The following NOTCH3 variants were observed in gnomAD, a reference collection of about 807,000 sequenced individuals.
The protein encoded by NOTCH3 is neurogenic locus notch homolog protein 3.
In NOTCH3, 86 loss-of-function variants were observed where a neutral mutation model predicts 213.3. The ratio of observed to expected loss-of-function variants is 0.40; its 90% CI spans 0.34 to 0.48. The LOEUF is 0.48. Ranked by LOEUF, NOTCH3 falls within the 20% of genes least tolerant of loss-of-function variation. The pLI is 0.57. For missense variants in NOTCH3, 2,783 were observed against 3,272.6 expected, an observed-to-expected ratio of 0.85 and a Z score of 3.65; for synonymous variants, 1,354 against 1,355.9, an observed-to-expected ratio of 1.00 and a Z score of 0.03.
In NOTCH3 at chr19:15,192,168, G is replaced by C; in HGVS notation, c.471C>G (p.Ser157Arg). 1 of 1,612,766 alleles carries C rather than the reference G, an allele frequency of 6.2e-7. No individual in the cohort carries two copies. The highest frequency in any genetic ancestry group is 8.5e-7 in the Non-Finnish European group (1 of 1,179,942). Residue 157 changes from serine (S) to arginine (R), a missense_variant, in exon 4 of 33, where the codon AGC (serine) becomes AGG (arginine). Physicochemically the swap from Ser to Arg is moderately radical, Grantham distance 110. This residue lies in a region of NOTCH3 where 708 missense variants were observed against 906.6 expected (regional missense o/e 0.78). Coordinates refer to ENST00000263388, the MANE Select transcript of NOTCH3 (RefSeq NM_000435.3). ...CACCCACCCGGCACTCATCCACGTCGCTTCGGCAGCTGCGGCCCTGGTAGC... is the reference window on the plus strand; with the variant it reads ...CACCCACCCGGCACTCATCCACGTCCCTTCGGCAGCTGCGGCCCTGGTAGC... ...PPGYQGRSCR[S>R]DVDECRVGEP...
At chr19:15,193,075 C>T (rs978917459) in intron 2 of NOTCH3, among the ~76,000 whole-genome samples, 2 of 152,048 alleles carry the variant, frequency 1.3e-5, no homozygotes, top group South Asian at 2.1e-4. Flanking sequence ...AGAACATATA[C>T]GAATAACAAA....
rs2145433165 is a variant in NOTCH3, at chr19:15,187,261, C to T, written c.1684G>A (p.Gly562Ser). The T allele has an allele frequency of 6.2e-7, 1 of 1,614,140 alleles. No individual in the cohort carries two copies. The highest frequency in any genetic ancestry group is 1.3e-5 in the African/African-American group (1 of 75,066). ...DPCHHGRCVD[G>S]IASFSCACAP... ...CAGGCACATGAGAAGCTGGCGATGC[C>T]ATCCACGCAGCGACCATGGTGGCAT... The change falls in exon 11 of 33, where the codon GGC becomes AGC. Residue 562 changes from glycine to serine, a missense_variant. Coordinates refer to ENST00000263388, the MANE Select transcript of NOTCH3 (RefSeq NM_000435.3).
intron 31 of NOTCH3, among the ~76,000 whole-genome samples, chr19:15,164,715 C>T (rs574036870): frequency 6.6e-6 from 1 of 152,160 alleles, no homozygotes; most frequent in African/African-American, 2.4e-5. Flanking sequence ...ATTGGCCAGC[C>T]CTGCCCTAGA....
At chr19:15,180,926 G>A (rs756864856) in intron 18 of NOTCH3, 35 bp downstream of exon 18, 2 of 1,584,356 alleles carry the variant, frequency 1.3e-6, no homozygotes, top group South Asian at 2.3e-5. Flanking sequence ...ATCCCAGGCA[G>A]GCTCCTCCCC....
chr19:15,165,521 A>G lies in NOTCH3; in HGVS notation c.5668-6T>C. ...GAGCGGTTTCGGATGAGAATCTAGG[A>G]CAGAGAGTGGATGCAGCAGGAGGGG... On this transcript the variant is annotated splice_region_variant and splice_polypyrimidine_tract_variant and intron_variant, in intron 30 of 32. Transcript: ENST00000263388. The surrounding 1 kb of genome is among the most constrained non-coding windows in gnomAD (Gnocchi z 4.7). 1 of 1,611,096 alleles carries G rather than the reference A, an allele frequency of 6.2e-7. No individual in the cohort carries two copies. The highest frequency in any genetic ancestry group is 1.3e-5 in the African/African-American group (1 of 75,038).
intron 25 of NOTCH3, among the ~76,000 whole-genome samples, chr19:15,172,294 C>T (rs1599371370): frequency 6.6e-6 from 1 of 152,088 alleles, no homozygotes; most frequent in East Asian, 1.9e-4. Flanking sequence ...CCTTTGAGTC[C>T]CTCTCATGGC....
chr19:15,191,419 C>T lies in NOTCH3; in HGVS notation c.1036+5G>A. 1 of 1,612,468 alleles carries T rather than the reference C, an allele frequency of 6.2e-7. No homozygotes were observed. Among genetic ancestry groups the T allele is most frequent in the Non-Finnish European group, 8.5e-7 (1 of 1,179,276 alleles). On this transcript the variant is annotated splice_donor_5th_base_variant and intron_variant, in intron 6 of 32. Transcript: ENST00000263388. ...TGGCTCCCTGCAGAGAAAACGGCCA[C>T]TCACCAGTCTTGCCCATGGGGCAGG...
At chr19:15,195,864 C>A (rs1042281952) in intron 2 of NOTCH3, among the ~76,000 whole-genome samples, 2 of 151,732 alleles carry the variant, frequency 1.3e-5, no homozygotes, top group Non-Finnish European at 2.9e-5. Flanking sequence ...CGGGCCGGTT[C>A]CAGCCCCAGC....
rs541829596 is a variant in NOTCH3 at position 15,186,791 on chromosome 19, G to A, written c.1951+87C>T. Reference sequence around the variant, plus strand: ...GGACAACCTCGTTGGACAAGAGTCTGCAAAGATACGGGCAAAACAGGCCCA... The same window carrying A: ...GGACAACCTCGTTGGACAAGAGTCTACAAAGATACGGGCAAAACAGGCCCA... On this transcript the variant is annotated intron_variant, in intron 12 of 32. Transcript: ENST00000263388. 9.0e-5 allele frequency: 96 copies of A among 1,064,956 alleles called. No homozygotes were observed. In the African/African-American group the frequency reaches 1.2e-3, roughly 13 times the overall value. The allele number at this position is 1,064,956 out of a possible 1,614,324, so 66.0% of individuals were successfully genotyped here.
At chr19:15,176,459 G>A (rs1409680451) in intron 24 of NOTCH3, among the ~76,000 whole-genome samples, 2 of 152,048 alleles carry the variant, frequency 1.3e-5, no homozygotes, top group Non-Finnish European at 2.9e-5. Flanking sequence ...ACTGTGCCCG[G>A]CCAATAAAAG....
In NOTCH3 at chr19:15,161,567, C is replaced by T. The variant is rs199620476; in HGVS notation, c.6061G>A (p.Val2021Met). Reference protein sequence around the residue: ...VAQERLHQDIVRLLDQPSGPR... With the variant: ...VAQERLHQDIMRLLDQPSGPR... Reference sequence around the variant, plus strand: ...CCACTGGGTTGATCCAGCAAGCGCACGATGTCCTGGTGCAGTCTCTCCTGG... The same window carrying T: ...CCACTGGGTTGATCCAGCAAGCGCATGATGTCCTGGTGCAGTCTCTCCTGG... Residue 2021 changes from valine (V) to methionine (M), a missense_variant, in exon 33 of 33, where the codon GTG (valine) becomes ATG (methionine). Val to Met is a conservative substitution (Grantham distance 21). Transcript: ENST00000263388. 2.8e-4 allele frequency: 444 copies of T among 1,609,992 alleles called. 1 individual carries two copies. The Middle Eastern group carries it at 4.3e-3, about 16-fold the overall frequency.
chr19:15,167,903 TTTGG>T (rs777212832), intron 28 of NOTCH3, among the ~76,000 whole-genome samples: 3 of 117,198 alleles, frequency 2.6e-5, no homozygotes, highest in South Asian at 2.4e-4. Context: ...TTTTTTTTTT[TTTGG>T]TCTTTTTGAG....
chr19:15,180,217 C>T lies in NOTCH3; in HGVS notation c.3182G>A (p.Cys1061Tyr), dbSNP rs1064794216. 1.9e-6 allele frequency: 3 copies of T among 1,613,882 alleles called. No homozygotes were observed. The highest frequency in any genetic ancestry group is 2.5e-6 in the Non-Finnish European group (3 of 1,180,018). ...LEQLCQAGGQCVDEDSSHYCV... is the reference protein window; with the variant it reads ...LEQLCQAGGQYVDEDSSHYCV... ...GTAGTGGGAGCTGTCTTCATCCACA[C>T]ACTGCCCACCCGCCTGACACAGCTG... Residue 1061 changes from cysteine to tyrosine, a missense_variant, in exon 20 of 33, where the codon TGT (cysteine) becomes TAT (tyrosine). By Grantham distance (194) the Cys-to-Tyr change is radical. Around this residue, in one of 6 missense-constraint regions of NOTCH3, gnomAD observed 861 missense variants for 909.1 expected, o/e 0.95. Coordinates refer to ENST00000263388, the MANE Select transcript of NOTCH3 (RefSeq NM_000435.3).
In NOTCH3 at chr19:15,160,084, G is replaced by C. The variant is rs542810466; in HGVS notation, c.*578C>G. ...CTGGCCCCAGTGGGTGCGCCCAAGG[G>C]TGCCTACTTGGTACATACCTGGGTC... is the stretch of plus-strand genomic sequence containing the variant. On this transcript the variant is annotated 3_prime_UTR_variant, in exon 33 of 33. Transcript: ENST00000263388. The C allele has an allele frequency of 4.3e-6, 1 of 233,802 alleles. No homozygotes were observed. Among genetic ancestry groups the C allele is most frequent in the Non-Finnish European group, 8.5e-6 (1 of 118,280 alleles). The allele number at this position is 233,802 out of a possible 1,614,324, so 14.5% of individuals were successfully genotyped here.
intron 10 of NOTCH3, 70 bp from the exon 11 acceptor site, chr19:15,187,408 A>G: frequency 2.1e-6 from 3 of 1,397,240 alleles, no homozygotes; most frequent in East Asian, 2.3e-5. Context: ...CCTCGGACCA[A>G]TCCTGGTTCA....
rs369076125 is a variant in NOTCH3 at position 15,189,194 on chromosome 19, C to A, written c.1193-20G>T. 1.2e-6 allele frequency: 2 copies of A among 1,613,312 alleles called. No homozygotes were observed. The highest frequency in any genetic ancestry group is 1.7e-6 in the Non-Finnish European group (2 of 1,180,054). ...TGGCGCCTGCCGGATGGAGTGCGAT[C>A]GGTGTGGGCGTGGCTGGCCGGGACC... On this transcript the variant is annotated intron_variant, in intron 7 of 32. Coordinates refer to ENST00000263388, the MANE Select transcript of NOTCH3 (RefSeq NM_000435.3).
At chr19:15,178,358 T>C (rs2046810062) in intron 23 of NOTCH3, 2 of 492,426 alleles carry the variant, frequency 4.1e-6, no homozygotes, top group Non-Finnish European at 3.6e-6. Context: ...CCCTTTTCCC[T>C]TCAAACCTCC....
At chr19:15,188,846 G>T in intron 8 of NOTCH3, 143 bp downstream of exon 8, 2 of 808,630 alleles carry the variant, frequency 2.5e-6, no homozygotes, top group Non-Finnish European at 3.9e-6. Context: ...TTCTGGTCCT[G>T]ACCCCACCTC....
chr19:15,161,390 G>GC lies in NOTCH3; in HGVS notation c.6237dup (p.Arg2080AlafsTer15). The GC allele has an allele frequency of 6.6e-7, 1 of 1,520,638 alleles. No individual in the cohort carries two copies. The highest frequency in any genetic ancestry group is 2.1e-5 in the Admixed American group (1 of 46,746). 94.2% of individuals were successfully genotyped at this position (1,520,638 alleles called of 1,614,324 possible). ...CAGGCCAGCGTCAGCTTCTTGCCCC[G>GC]CCCCCGGGGCCCCTGCGGCCCCAGC... is the stretch of plus-strand genomic sequence containing the variant. On this transcript the variant is annotated frameshift_variant, in exon 33 of 33. Transcript: ENST00000263388. LOFTEE classifies it low-confidence loss of function (END_TRUNC).
Sources: allele counts gnomAD v4.1 joint callset (sites outside exome capture counted in the v4.1 genomes callset), GRCh38; gene constraint gnomAD v4.1.1; regional missense constraint gnomAD v4.1.1; non-coding constraint Gnocchi (gnomAD v3.1); transcripts MANE v1.5; gene names NCBI Gene and HGNC (gene_info 2026-07-23, HGNC 2026-07-21).